NUP37: variants seen among roughly 807,000 people sequenced by gnomAD.
The protein encoded by NUP37 is nucleoporin Nup37.
In NUP37, 33 loss-of-function variants were observed where a neutral mutation model predicts 45.4. The observed-to-expected ratio is 0.73, with a 90% confidence interval of 0.55 to 0.97. NUP37 has a LOEUF of 0.97. Among genes scored for constraint, NUP37 ranks in the 50% least tolerant of loss-of-function variants. The pLI is 0.00. For missense variants in NUP37, 365 were observed against 389.7 expected (o/e 0.94, Z 0.53); for synonymous variants, 127 against 130.7 (o/e 0.97, Z 0.19).
intron 2 of NUP37, among the ~76,000 whole-genome samples, chr12:102,113,635 G>C (rs574732840): frequency 6.6e-6 from 1 of 152,176 alleles, no homozygotes; most frequent in South Asian, 2.1e-4. Flanking sequence ...AAATTTTCGC[G>C]ACAAATTTGT....
At chr12:102,092,638 A>C (rs1383038019) in intron 5 of NUP37, among the ~76,000 whole-genome samples, 1 of 152,182 alleles carries the variant, frequency 6.6e-6, no homozygotes. Flanking sequence ...AAAAGAATTC[A>C]GTGCTAAAAT....
At chr12:102,119,995 T>C (rs375942713) in intron 1 of NUP37, 55 bp downstream of exon 1, 49 of 154,446 alleles carry the variant, frequency 3.2e-4, no homozygotes, top group South Asian at 2.9e-3. Context: ...GTGGCAAGGC[T>C]GGGCGGCCGG....
Position 102,118,599 on chromosome 12 carries a change from C to T in NUP37, c.-65-16G>A. On this transcript the variant is annotated splice_polypyrimidine_tract_variant and intron_variant, in intron 1 of 9. Transcript: ENST00000552283. ...GGTCACGAAACTGTGGATTAGAGCA[C>T]AGGTACAATTACAATGGTCAATATG... is the stretch of plus-strand genomic sequence containing the variant. 3.2e-6 allele frequency: 4 copies of T among 1,268,456 alleles called. No homozygotes were observed. The highest frequency in any genetic ancestry group is 3.3e-6 in the Non-Finnish European group (3 of 905,668). The allele number at this position is 1,268,456 out of a possible 1,614,324, so 78.6% of individuals were successfully genotyped here.
chr12:102,112,062 A>G, intron 3 of NUP37, 46 bp downstream of exon 3: 1 of 1,576,800 alleles, frequency 6.3e-7, no homozygotes, highest in Non-Finnish European at 8.7e-7. Context: ...ATGTAACACA[A>G]TCAAAGTACA....
At chr12:102,077,970 G>A (rs151298377) in intron 6 of NUP37, among the ~76,000 whole-genome samples, 67 of 152,216 alleles carry the variant, frequency 4.4e-4, no homozygotes, top group Middle Eastern at 3.4e-3. Flanking sequence ...AAATGTAAAG[G>A]AAGAGGCTAT....
chr12:102,114,174 TCA>T (rs1490261791), intron 2 of NUP37, among the ~76,000 whole-genome samples: 1 of 152,228 alleles, frequency 6.6e-6, no homozygotes, highest in African/African-American at 2.4e-5. Flanking sequence ...ATAGCTGACT[TCA>T]CAGTTTGGAT....
chr12:102,085,518 C>G (rs1055082450), intron 6 of NUP37, among the ~76,000 whole-genome samples: 32 of 152,078 alleles, frequency 2.1e-4, no homozygotes, highest in African/African-American at 7.5e-4. Flanking sequence ...ACACTGAAAT[C>G]CACTAAAGGT....
In NUP37 at chr12:102,089,721, G is replaced by A. The variant is rs181331214; in HGVS notation, c.450-3865C>T. Among the ~76,000 whole-genome samples, 202 of 150,048 alleles carry A rather than the reference G, an allele frequency of 1.3e-3. 1 individual carries two copies. The highest frequency in any genetic ancestry group is 2.2e-3 in the Non-Finnish European group (145 of 67,360). On this transcript the variant is annotated intron_variant, in intron 5 of 9. Transcript: ENST00000552283. Reference sequence around the variant, plus strand: ...GCGCTCCTCACTTCCCAGACGAGGCGGCCGGGCAGAGGCGCTCCTCACTTC... The same window carrying A: ...GCGCTCCTCACTTCCCAGACGAGGCAGCCGGGCAGAGGCGCTCCTCACTTC...
In NUP37 at chr12:102,076,292, A is replaced by G. The variant is rs184149137; in HGVS notation, c.773+505T>C. 7.9e-5 allele frequency among the ~76,000 whole-genome samples: 12 copies of G among 152,284 alleles called. No homozygotes were observed. In the East Asian group the frequency reaches 1.5e-3, roughly 20 times the overall value. The stretch of plus-strand genomic sequence containing the variant: ...AAAATTTCACTGGTTTTAGTCTCTT[A>G]TTTGGTTTTGCTGTTACTTAAAAAG... On this transcript the variant is annotated intron_variant, in intron 8 of 9. Transcript: ENST00000552283.
chr12:102,090,948 C>T (rs1027601667), intron 5 of NUP37, among the ~76,000 whole-genome samples: 8 of 152,248 alleles, frequency 5.3e-5, no homozygotes, highest in African/African-American at 1.7e-4. Flanking sequence ...TAGACCACGT[C>T]AGACAACAGG....
Position 102,100,397 on chromosome 12 carries a change from G to A in NUP37, c.354+635C>T, listed in dbSNP as rs187362456. On this transcript the variant is annotated intron_variant, in intron 4 of 9. Transcript: ENST00000552283. The stretch of plus-strand genomic sequence containing the variant: ...ATGATGCAATTTTGACCCAATCTGA[G>A]GGTTATTATTATAGTAATAGAAAAC... 4.1e-3 allele frequency among the ~76,000 whole-genome samples: 618 copies of A among 152,248 alleles called. 4 individuals carry two copies. The highest frequency in any genetic ancestry group is 7.7e-3 in the Non-Finnish European group (523 of 68,014).
chr12:102,109,116 C>A (rs928257193), intron 3 of NUP37, among the ~76,000 whole-genome samples: 1 of 152,146 alleles, frequency 6.6e-6, no homozygotes, highest in Non-Finnish European at 1.5e-5. Flanking sequence ...TTCTTTGAAT[C>A]CTTGCTGTTT....
At chr12:102,081,033 C>T (rs1879316089) in intron 6 of NUP37, among the ~76,000 whole-genome samples, 1 of 152,052 alleles carries the variant, frequency 6.6e-6, no homozygotes, top group Non-Finnish European at 1.5e-5. Context: ...TGGATGGGGC[C>T]CAGCTCTGCC....
chr12:102,111,911 T>C (rs745467040), intron 3 of NUP37, among the ~76,000 whole-genome samples, 197 bp downstream of exon 3: 4 of 152,252 alleles, frequency 2.6e-5, no homozygotes, highest in Non-Finnish European at 4.4e-5. Context: ...CAAGGCATCA[T>C]AGTCATGGCT....
intron 3 of NUP37, among the ~76,000 whole-genome samples, chr12:102,106,511 A>G (rs1880161397): frequency 6.6e-6 from 1 of 152,180 alleles, no homozygotes. Context: ...CCTCCTCAAT[A>G]AAGTAAAGGA....
intron 3 of NUP37, among the ~76,000 whole-genome samples, chr12:102,110,088 CA>C (rs1361718054): frequency 6.6e-6 from 1 of 152,216 alleles, no homozygotes; most frequent in Non-Finnish European, 1.5e-5. Flanking sequence ...GCAACATCTT[CA>C]CAACCTATAA....
chr12:102,110,143 A>G lies in NUP37; in HGVS notation c.281+1965T>C, dbSNP rs149986663. 2.2e-4 allele frequency among the ~76,000 whole-genome samples: 34 copies of G among 152,330 alleles called. No homozygotes were observed. In the East Asian group the frequency reaches 6.4e-3, roughly 29 times the overall value. On this transcript the variant is annotated intron_variant, in intron 3 of 9. Transcript: ENST00000552283. ...CTAATAGAAGAAACAAATATACCAA[A>G]AAAGCGTCAGCATTATCACTCATCA...
intron 4 of NUP37, 40 bp downstream of exon 4, chr12:102,100,992 T>C (rs1438098135): frequency 1.6e-6 from 2 of 1,280,222 alleles, no homozygotes; most frequent in Non-Finnish European, 2.2e-6. Flanking sequence ...CAAACACGTT[T>C]TAAAATAAGC....
chr12:102,102,854 G>C (rs1016124452), intron 3 of NUP37, among the ~76,000 whole-genome samples: 4 of 152,168 alleles, frequency 2.6e-5, no homozygotes, highest in Non-Finnish European at 4.4e-5. Flanking sequence ...TGAAGACACT[G>C]TCCTTTCTTC....
Sources: allele counts gnomAD v4.1 joint callset (sites outside exome capture counted in the v4.1 genomes callset), GRCh38; gene constraint gnomAD v4.1.1; transcripts MANE v1.5; gene names NCBI Gene and HGNC (gene_info 2026-07-23, HGNC 2026-07-21).